Variants in ITFG1 observed in about 807,000 individuals in gnomAD.
ITFG1 encodes T-cell immunomodulatory protein.
ITFG1 carries 34 observed loss-of-function variants against 81.8 expected under a neutral mutation model. The ratio of observed to expected loss-of-function variants is 0.42; its 90% CI spans 0.32 to 0.55. ITFG1 has a LOEUF of 0.55. ITFG1 is among the 20% of genes least tolerant of loss of function. The pLI is 0.17. For missense variants in ITFG1, 672 were observed against 755.4 expected (o/e 0.89, Z 1.29); for synonymous variants, 285 against 270.6 (o/e 1.05, Z -0.52).
At chr16:47,320,270 C>G (rs1967428660) in intron 8 of ITFG1, among the ~76,000 whole-genome samples, 1 of 152,092 alleles carries the variant, frequency 6.6e-6, no homozygotes, top group Non-Finnish European at 1.5e-5. Context: ...TTGTAGCAGC[C>G]CTTTCAAAAT....
chr16:47,192,133 A>G (rs528040569), intron 14 of ITFG1, among the ~76,000 whole-genome samples: 1 of 152,174 alleles, frequency 6.6e-6, no homozygotes, highest in Non-Finnish European at 1.5e-5. Context: ...GCCATAACTG[A>G]GTCTAGTTCT....
intron 6 of ITFG1, among the ~76,000 whole-genome samples, chr16:47,414,653 G>T (rs1403198619): frequency 6.6e-6 from 1 of 152,030 alleles, no homozygotes; most frequent in Admixed American, 6.5e-5. Flanking sequence ...AATTAAGAAA[G>T]AATCACAATT....
intron 8 of ITFG1, among the ~76,000 whole-genome samples, chr16:47,327,630 A>G (rs1470116911): frequency 6.6e-6 from 1 of 152,180 alleles, no homozygotes; most frequent in Non-Finnish European, 1.5e-5. Flanking sequence ...AATTTACAAG[A>G]AAAAAACAAA....
intron 6 of ITFG1, among the ~76,000 whole-genome samples, chr16:47,417,616 A>G (rs893570020): frequency 6.6e-6 from 1 of 152,204 alleles, no homozygotes; most frequent in African/African-American, 2.4e-5. Context: ...GCTCCCATAT[A>G]TGAATGAGAA....
At chr16:47,277,441 T>C (rs1966409511) in intron 10 of ITFG1, among the ~76,000 whole-genome samples, 1 of 152,166 alleles carries the variant, frequency 6.6e-6, no homozygotes, top group Non-Finnish European at 1.5e-5. Flanking sequence ...ACGAATACTA[T>C]ATTTTCCATC....
chr16:47,348,727 T>A (rs1486819981), intron 8 of ITFG1, among the ~76,000 whole-genome samples: 1 of 152,108 alleles, frequency 6.6e-6, no homozygotes, highest in Non-Finnish European at 1.5e-5. Context: ...AAGATACTCC[T>A]TGAGAACAGC....
chr16:47,209,561 T>G (rs1410752279), intron 14 of ITFG1, among the ~76,000 whole-genome samples: 1 of 152,164 alleles, frequency 6.6e-6, no homozygotes, highest in Non-Finnish European at 1.5e-5. Flanking sequence ...CTTTATTCAG[T>G]TTTCTCCCAT....
intron 10 of ITFG1, among the ~76,000 whole-genome samples, chr16:47,300,700 T>A (rs935819960): frequency 6.6e-6 from 1 of 152,250 alleles, no homozygotes; most frequent in Non-Finnish European, 1.5e-5. Context: ...AGAAGGCAGA[T>A]GGCTTAAAGA....
At chr16:47,399,467 G>A (rs970562153) in intron 6 of ITFG1, among the ~76,000 whole-genome samples, 14 of 152,162 alleles carry the variant, frequency 9.2e-5, no homozygotes, top group African/African-American at 1.2e-4. Flanking sequence ...CAGCTACTCA[G>A]GAGGCTGAGG....
At chr16:47,352,638 G>A (rs373611869) in intron 8 of ITFG1, among the ~76,000 whole-genome samples, 5 of 152,118 alleles carry the variant, frequency 3.3e-5, no homozygotes, top group African/African-American at 7.2e-5. Flanking sequence ...ACCATTGTGG[G>A]AGTCAGTGTG....
At chr16:47,251,843 T>G (rs1295425740) in intron 12 of ITFG1, among the ~76,000 whole-genome samples, 1 of 152,264 alleles carries the variant, frequency 6.6e-6, no homozygotes, top group Non-Finnish European at 1.5e-5. Context: ...GTTATGTGAA[T>G]GTAGTTTTTC....
At chr16:47,204,562 T>C (rs1965469184) in intron 14 of ITFG1, among the ~76,000 whole-genome samples, 1 of 152,224 alleles carries the variant, frequency 6.6e-6, no homozygotes, top group Non-Finnish European at 1.5e-5. Flanking sequence ...TTTTAACTAT[T>C]TCTTGTCTGA....
At chr16:47,155,832 A>T in intron 17 of ITFG1, 54 bp from the exon 18 acceptor site, 1 of 1,317,884 alleles carries the variant, frequency 7.6e-7, no homozygotes, top group Non-Finnish European at 1.1e-6. Context: ...TTATGAAAAG[A>T]CTCATTTCTG....
chr16:47,350,217 C>G (rs558126842), intron 8 of ITFG1, among the ~76,000 whole-genome samples: 23 of 151,998 alleles, frequency 1.5e-4, no homozygotes, highest in South Asian at 6.2e-4. Flanking sequence ...TAAGATCAGA[C>G]CAGAACTGAA....
At chr16:47,184,387 G>C (rs1965181133) in intron 14 of ITFG1, among the ~76,000 whole-genome samples, 1 of 152,122 alleles carries the variant, frequency 6.6e-6, no homozygotes, top group Non-Finnish European at 1.5e-5. Context: ...AGAAAGGTCG[G>C]GTTACCCACA....
At chr16:47,293,364 G>C (rs1966937078) in intron 10 of ITFG1, among the ~76,000 whole-genome samples, 1 of 151,808 alleles carries the variant, frequency 6.6e-6, no homozygotes, top group Admixed American at 6.6e-5. Flanking sequence ...CTATTGAGTA[G>C]ATATCCAGTA....
chr16:47,369,661 T>C (rs1968223900), intron 7 of ITFG1, among the ~76,000 whole-genome samples: 1 of 152,078 alleles, frequency 6.6e-6, no homozygotes, highest in Admixed American at 6.5e-5. Flanking sequence ...AAACAAACAA[T>C]ACTACTTTTT....
At chr16:47,443,569 T>C (rs575043426) in intron 5 of ITFG1, among the ~76,000 whole-genome samples, 1 of 152,020 alleles carries the variant, frequency 6.6e-6, no homozygotes, top group Non-Finnish European at 1.5e-5. Flanking sequence ...TATGCAGACA[T>C]AAAAAATGAT....
At chr16:47,182,962 G>T (rs985005206) in intron 14 of ITFG1, among the ~76,000 whole-genome samples, 1 of 152,212 alleles carries the variant, frequency 6.6e-6, no homozygotes, top group Non-Finnish European at 1.5e-5. Context: ...CTCGGGAAGC[G>T]CAAGGGGTCA....
Sources: allele counts gnomAD v4.1 joint callset (sites outside exome capture counted in the v4.1 genomes callset), GRCh38; gene constraint gnomAD v4.1.1; transcripts MANE v1.5; gene names NCBI Gene and HGNC (gene_info 2026-07-23, HGNC 2026-07-21).